The following KRCC1 variants were observed in gnomAD, a reference collection of about 807,000 sequenced individuals.
KRCC1 encodes the protein lysine rich coiled-coil 1, also known as lysine-rich coiled-coil protein 1.
In KRCC1, 3 loss-of-function variants were observed where a neutral mutation model predicts 7.4. That is an observed-to-expected ratio of 0.40 (90% CI 0.18 to 1.04). The LOEUF is 1.04. KRCC1 is among the 50% of genes least tolerant of loss of function. KRCC1 has a pLI of 0.33. For synonymous variants in KRCC1, 102 were observed against 101.6 expected (o/e 1.00, Z -0.02); for missense variants, 277 against 300.9 (o/e 0.92, Z 0.59).
chr2:88,028,346 C>T lies in KRCC1; in HGVS notation c.218G>A (p.Arg73Lys). ...CACTGTTTGTGGAATATTGCATGAT[C>T]TTGGGTAGGTCTGGATGGTTTCAGA... is the stretch of plus-strand genomic sequence containing the variant. ...LPSETIQTYP[R>K]SCNIPQTVEN... The change falls in exon 4 of 4, where the codon AGA becomes AAA. Residue 73 changes from arginine to lysine, a missense_variant. Physicochemically the swap from Arg to Lys is conservative, Grantham distance 26. Coordinates refer to ENST00000347055, the MANE Select transcript of KRCC1 (RefSeq NM_016618.3). 6.8e-6 allele frequency: 11 copies of T among 1,614,138 alleles called. No individual in the cohort carries two copies. The highest frequency in any genetic ancestry group is 9.3e-6 in the Non-Finnish European group (11 of 1,180,038).
chr2:88,045,572 G>T (rs1673311072), intron 1 of KRCC1, among the ~76,000 whole-genome samples: 2 of 152,100 alleles, frequency 1.3e-5, no homozygotes, highest in Non-Finnish European at 2.9e-5. Flanking sequence ...GAGGTAGAGG[G>T]GCGAATGGAT....
At chr2:88,031,636 AT>A (rs1478951783) in intron 3 of KRCC1, among the ~76,000 whole-genome samples, 38 of 152,074 alleles carry the variant, frequency 2.5e-4, no homozygotes, top group African/African-American at 8.4e-4. Flanking sequence ...AAATAAAAAA[AT>A]AAAAATAAAA....
intron 1 of KRCC1, among the ~76,000 whole-genome samples, chr2:88,049,266 C>T (rs992356161): frequency 6.6e-6 from 1 of 152,246 alleles, no homozygotes; most frequent in South Asian, 2.1e-4. Context: ...AGGGATCATG[C>T]TTGTGAAGTT....
chr2:88,035,801 C>A (rs1317393524), intron 2 of KRCC1, among the ~76,000 whole-genome samples: 2 of 152,142 alleles, frequency 1.3e-5, no homozygotes, highest in Non-Finnish European at 2.9e-5. Flanking sequence ...CTCAAGTTAT[C>A]ACAGAGCCCG....
At chr2:88,048,071 T>C (rs1673382586) in intron 1 of KRCC1, among the ~76,000 whole-genome samples, 1 of 137,426 alleles carries the variant, frequency 7.3e-6, no homozygotes, top group South Asian at 2.4e-4. Context: ...AGCAATGTTA[T>C]GTCATTTTCA....
At chr2:88,054,839 C>G (rs1673578083) in intron 1 of KRCC1, among the ~76,000 whole-genome samples, 1 of 152,170 alleles carries the variant, frequency 6.6e-6, no homozygotes, top group South Asian at 2.1e-4. Context: ...CGCGGTAGCT[C>G]GCGCCCGTAG....
At chr2:88,051,816 TACCA>T (rs1185514044) in intron 1 of KRCC1, among the ~76,000 whole-genome samples, 1 of 152,230 alleles carries the variant, frequency 6.6e-6, no homozygotes, top group Non-Finnish European at 1.5e-5. Context: ...ATGGAAAGAA[TACCA>T]ACACAGATGT....
At chr2:88,035,940 A>G (rs1019303210) in intron 2 of KRCC1, among the ~76,000 whole-genome samples, 2 of 152,200 alleles carry the variant, frequency 1.3e-5, no homozygotes, top group African/African-American at 4.8e-5. Context: ...TTGAATAAAC[A>G]TACTTAGAGA....
At chr2:88,052,367 A>T (rs1156821588) in intron 1 of KRCC1, among the ~76,000 whole-genome samples, 1 of 152,244 alleles carries the variant, frequency 6.6e-6, no homozygotes, top group Non-Finnish European at 1.5e-5. Flanking sequence ...ACATTATCAG[A>T]ACACTGACTT....
At chr2:88,044,427 A>G (rs1273648327) in intron 1 of KRCC1, among the ~76,000 whole-genome samples, 1 of 152,054 alleles carries the variant, frequency 6.6e-6, no homozygotes, top group Non-Finnish European at 1.5e-5. Flanking sequence ...GAAAAAAGAA[A>G]ATCAAGCCAC....
At chr2:88,037,962 A>G (rs1476828919) in intron 1 of KRCC1, among the ~76,000 whole-genome samples, 1 of 152,240 alleles carries the variant, frequency 6.6e-6, no homozygotes, top group African/African-American at 2.4e-5. Flanking sequence ...ATAGAAGTTT[A>G]CCAGTTTATA....
intron 1 of KRCC1, among the ~76,000 whole-genome samples, chr2:88,045,987 T>C (rs1198618846): frequency 6.6e-6 from 1 of 152,210 alleles, no homozygotes; most frequent in African/African-American, 2.4e-5. Context: ...GCCTGAATTG[T>C]ACATGTTATA....
chr2:88,052,082 G>C (rs1187819928), intron 1 of KRCC1, among the ~76,000 whole-genome samples: 1 of 152,220 alleles, frequency 6.6e-6, no homozygotes, highest in Non-Finnish European at 1.5e-5. Context: ...ATCCCAAAAG[G>C]CCAAAATCCC....
intron 1 of KRCC1, among the ~76,000 whole-genome samples, chr2:88,053,715 G>A (rs1321844595): frequency 3.3e-5 from 5 of 152,172 alleles, no homozygotes; most frequent in Middle Eastern, 6.8e-3. Flanking sequence ...TTACTCCTCC[G>A]CCAGTTCTCC....
chr2:88,049,490 A>C (rs1673420451), intron 1 of KRCC1, among the ~76,000 whole-genome samples: 1 of 152,134 alleles, frequency 6.6e-6, no homozygotes, highest in Non-Finnish European at 1.5e-5. Context: ...TACTAAAAAT[A>C]CAAAAAAACT....
At chr2:88,042,708 C>G (rs1673239248) in intron 1 of KRCC1, among the ~76,000 whole-genome samples, 1 of 152,202 alleles carries the variant, frequency 6.6e-6, no homozygotes, top group African/African-American at 2.4e-5. Context: ...TTGTGAGCCA[C>G]CGCAGCCACC....
At chr2:88,049,548 T>A in intron 1 of KRCC1, among the ~76,000 whole-genome samples, 1 of 152,196 alleles carries the variant, frequency 6.6e-6, no homozygotes, top group East Asian at 1.9e-4. Context: ...CTTAGGAGGC[T>A]GAGGTGGGAG....
At chr2:88,036,508 T>C (rs769630963) in intron 2 of KRCC1, among the ~76,000 whole-genome samples, 2 of 152,202 alleles carry the variant, frequency 1.3e-5, no homozygotes, top group African/African-American at 4.8e-5. Context: ...GCTAGCATTC[T>C]ATAATCCTGT....
intron 3 of KRCC1, among the ~76,000 whole-genome samples, chr2:88,029,073 A>G (rs1474978643): frequency 6.6e-6 from 1 of 152,072 alleles, no homozygotes; most frequent in Non-Finnish European, 1.5e-5. Context: ...ATGGTCAGAT[A>G]CCTCCCAGGT....
Sources: allele counts gnomAD v4.1 joint callset (sites outside exome capture counted in the v4.1 genomes callset), GRCh38; gene constraint gnomAD v4.1.1; transcripts MANE v1.5; gene names NCBI Gene and HGNC (gene_info 2026-07-23, HGNC 2026-07-21).